Variants in TXLNB observed in about 807,000 individuals in gnomAD.
The protein encoded by TXLNB is taxilin beta.
Under a neutral mutation model 57.4 loss-of-function variants are expected in TXLNB, and 37 were observed. The observed-to-expected ratio is 0.64, with a 90% CI of 0.50 to 0.85. TXLNB has a LOEUF of 0.85. Among genes scored for constraint, TXLNB ranks in the 40% least tolerant of loss-of-function variants. The pLI is 0.00. For synonymous variants in TXLNB, 302 were observed against 309.6 expected, an observed-to-expected ratio of 0.98 and a Z score of 0.26; for missense variants, 848 against 825.6, an observed-to-expected ratio of 1.03 and a Z score of -0.33.
chr6:139,206,746 A>G, the TXLNB span, among the ~76,000 whole-genome samples: 1 of 152,168 alleles, frequency 6.6e-6, no homozygotes, highest in Non-Finnish European at 1.5e-5. Context: ...TGCTGTCTTC[A>G]TGAGACTTAC....
chr6:139,311,396 G>T, the TXLNB span, among the ~76,000 whole-genome samples: 1 of 151,744 alleles, frequency 6.6e-6, no homozygotes, highest in African/African-American at 2.4e-5. Flanking sequence ...TCTGTGGGCA[G>T]ATCTGAACGC....
intron 1 of TXLNB, among the ~76,000 whole-genome samples, chr6:139,291,372 A>G (rs958284615): frequency 1.3e-5 from 2 of 152,230 alleles, no homozygotes; most frequent in African/African-American, 4.8e-5. Context: ...TTAATTTAAG[A>G]TAAGCTGTCC....
chr6:139,183,088 G>A, the TXLNB span: 1 of 152,300 alleles, frequency 6.6e-6, no homozygotes, highest in East Asian at 1.9e-4. Context: ...TGGAGCAAGG[G>A]CTATGCTTTT....
Position 139,243,176 on chromosome 6 carries a change from G to A in TXLNB, c.1405C>T (p.Gln469Ter), listed in dbSNP as rs746404875. ...RDAEISEKDD[Q>*]SQHNSDEEPE... The stretch of plus-strand genomic sequence containing the variant: ...TCTTCATCGGAGTTGTGCTGACTTT[G>A]GTCATCCTTTTCAGATATTTCTGCG... Residue 469 changes from glutamine to a stop codon, truncating the protein, a stop_gained, in exon 10 of 10, where the codon CAA becomes TAA. Coordinates refer to ENST00000358430, the MANE Select transcript of TXLNB (RefSeq NM_153235.4). LOFTEE classifies it low-confidence loss of function (END_TRUNC). 6.2e-7 allele frequency: 1 copy of A among 1,614,046 alleles called. No homozygotes were observed. The highest frequency in any genetic ancestry group is 2.2e-5 in the East Asian group (1 of 44,882).
the TXLNB span, among the ~76,000 whole-genome samples, chr6:139,322,981 T>G: frequency 6.6e-6 from 1 of 152,238 alleles, no homozygotes; most frequent in African/African-American, 2.4e-5. Context: ...CTATCAATTT[T>G]CTAAATGTCC....
At chr6:139,196,222 A>C in the TXLNB span, among the ~76,000 whole-genome samples, 1 of 152,142 alleles carries the variant, frequency 6.6e-6, no homozygotes, top group Admixed American at 6.5e-5. Context: ...TTTGAAGCAA[A>C]ATTTCCAGCA....
chr6:139,168,441 T>C, the TXLNB span, among the ~76,000 whole-genome samples: 1 of 151,712 alleles, frequency 6.6e-6, no homozygotes, highest in Non-Finnish European at 1.5e-5. Flanking sequence ...TTTTTTTTTT[T>C]TAACTTTGGC....
At chr6:139,171,326 G>C in the TXLNB span, among the ~76,000 whole-genome samples, 1 of 152,190 alleles carries the variant, frequency 6.6e-6, no homozygotes, top group Non-Finnish European at 1.5e-5. Context: ...TTAGGCCTGA[G>C]TACTTGTGTG....
At chr6:139,260,121 G>C (rs1426482383) in intron 6 of TXLNB, among the ~76,000 whole-genome samples, 197 bp downstream of exon 6, 1 of 152,096 alleles carries the variant, frequency 6.6e-6, no homozygotes, top group East Asian at 1.9e-4. Flanking sequence ...GCTACTTGGG[G>C]AGGCAGGAGA....
At chr6:139,174,949 A>G in the TXLNB span, among the ~76,000 whole-genome samples, 1 of 152,192 alleles carries the variant, frequency 6.6e-6, no homozygotes, top group Non-Finnish European at 1.5e-5. Context: ...GTAAATTTCT[A>G]ATAGAAAAAA....
At chr6:139,226,185 C>G in the TXLNB span, among the ~76,000 whole-genome samples, 1 of 151,098 alleles carries the variant, frequency 6.6e-6, no homozygotes, top group Non-Finnish European at 1.5e-5. Context: ...GTAGTCCCAG[C>G]TACTCGGGAG....
upstream of TXLNB, among the ~76,000 whole-genome samples, chr6:139,296,507 A>G (rs1777392058): frequency 6.6e-6 from 1 of 152,076 alleles, no homozygotes; most frequent in Admixed American, 6.6e-5. Flanking sequence ...AATTTGATGT[A>G]GATCTTTTTT....
At chr6:139,272,781 C>T (rs1005928298) in intron 3 of TXLNB, among the ~76,000 whole-genome samples, 2 of 152,190 alleles carry the variant, frequency 1.3e-5, no homozygotes, top group East Asian at 3.8e-4. Context: ...TGCCTGTAAT[C>T]CCAGCACTCT....
the TXLNB span, among the ~76,000 whole-genome samples, chr6:139,205,185 A>C: frequency 1.3e-5 from 2 of 152,198 alleles, no homozygotes; most frequent in East Asian, 3.9e-4. Context: ...GAGGCCAACC[A>C]AGTCAGGGCA....
At chr6:139,206,982 A>C in the TXLNB span, among the ~76,000 whole-genome samples, 1 of 152,216 alleles carries the variant, frequency 6.6e-6, no homozygotes, top group South Asian at 2.1e-4. Context: ...AATTTATAAA[A>C]TAATTACTAC....
intron 2 of TXLNB, among the ~76,000 whole-genome samples, chr6:139,284,340 C>T (rs1410738757): frequency 7.0e-6 from 1 of 143,832 alleles, no homozygotes; most frequent in Non-Finnish European, 1.5e-5. Flanking sequence ...CCATCCTGGC[C>T]AACACAATGA....
intron 7 of TXLNB, among the ~76,000 whole-genome samples, chr6:139,253,193 T>C (rs1015001332): frequency 2.9e-4 from 44 of 152,218 alleles, no homozygotes; most frequent in African/African-American, 1.0e-3. Context: ...TCAGTAAATA[T>C]TGGTTGAATT....
At chr6:139,301,789 CT>C in the TXLNB span, among the ~76,000 whole-genome samples, 3 of 152,178 alleles carry the variant, frequency 2.0e-5, no homozygotes, top group Admixed American at 6.5e-5. Flanking sequence ...CCCCACCCCC[CT>C]GACCATAGTA....
chr6:139,277,338 C>G (rs1409350140), intron 2 of TXLNB, among the ~76,000 whole-genome samples: 1 of 152,206 alleles, frequency 6.6e-6, no homozygotes, highest in Non-Finnish European at 1.5e-5. Context: ...AAATTTCCGA[C>G]TAGTATGAAA....
Sources: allele counts gnomAD v4.1 joint callset (sites outside exome capture counted in the v4.1 genomes callset), GRCh38; gene constraint gnomAD v4.1.1; transcripts MANE v1.5; gene names NCBI Gene and HGNC (gene_info 2026-07-23, HGNC 2026-07-21).